The following MID1 variants were observed in gnomAD, a reference collection of about 807,000 sequenced individuals.
MID1 encodes the protein midline 1.
A neutral mutation model predicts 40.4 loss-of-function variants in MID1; 7 were observed. The ratio of observed to expected loss-of-function variants is 0.17; its 90% CI spans 0.10 to 0.33. The LOEUF (loss-of-function observed/expected upper bound fraction) is 0.33. MID1 is among the 10% of genes least tolerant of loss of function. MID1 has a pLI of 1.00. For synonymous variants in MID1, 229 were observed against 221.2 expected, an observed-to-expected ratio of 1.04 and a Z score of -0.31; for missense variants, 367 against 558.5, an observed-to-expected ratio of 0.66 and a Z score of 3.46.
chrX:10,686,323 T>TA (rs1321435820), intron 1 of MID1, among the ~76,000 whole-genome samples: 4 of 110,936 alleles, frequency 3.6e-5, no homozygotes. Context: ...CTTCATCTCT[T>TA]ATATGCCCAA....
chrX:10,697,704 T>C (rs184533229), intron 1 of MID1, among the ~76,000 whole-genome samples: 31 of 111,973 alleles, frequency 2.8e-4, no homozygotes, highest in African/African-American at 9.1e-4. Context: ...GGTTTGTTTT[T>C]GGAGCCGTGG....
At chrX:10,518,144 T>G (rs777880326) in intron 3 of MID1, among the ~76,000 whole-genome samples, 1 of 112,037 alleles carries the variant, frequency 8.9e-6, no homozygotes, top group African/African-American at 3.2e-5. Context: ...ACCAACAGTC[T>G]CTAGAACAGA....
At chrX:10,784,782 T>G (rs898363499) in intron 1 of MID1, among the ~76,000 whole-genome samples, 1 of 110,815 alleles carries the variant, frequency 9.0e-6, no homozygotes, top group Admixed American at 9.7e-5. Flanking sequence ...GATTGTCTGA[T>G]AGTGCCATTG....
intron 1 of MID1, among the ~76,000 whole-genome samples, chrX:10,762,877 A>T (rs1335646004): frequency 8.9e-6 from 1 of 112,123 alleles, no homozygotes; most frequent in African/African-American, 3.2e-5. Context: ...TCCTAATTTA[A>T]ACCCATGATC....
chrX:10,671,834 A>C (rs2042988764), intron 1 of MID1, among the ~76,000 whole-genome samples: 1 of 111,630 alleles, frequency 9.0e-6, no homozygotes, highest in Non-Finnish European at 1.9e-5. Context: ...TCTAACATGG[A>C]AACCTGATCA....
chrX:10,672,215 A>T (rs1474734649), intron 1 of MID1, among the ~76,000 whole-genome samples: 1 of 106,788 alleles, frequency 9.4e-6, no homozygotes, highest in Admixed American at 9.9e-5. Flanking sequence ...ACAGAGCGAG[A>T]TCCTGTCTCA....
chrX:10,476,749 A>T (rs1395596567), intron 5 of MID1, among the ~76,000 whole-genome samples: 1 of 111,675 alleles, frequency 9.0e-6, no homozygotes, highest in South Asian at 3.8e-4. Flanking sequence ...TGACCCTTTC[A>T]CCAAGAAGTA....
chrX:10,720,928 C>G (rs12013913), intron 1 of MID1, among the ~76,000 whole-genome samples: 2,420 of 109,032 alleles, frequency 0.022, 73 homozygotes, highest in African/African-American at 0.078. Flanking sequence ...AACCATCATT[C>G]TCAGCAAACT....
chrX:10,790,308 T>C (rs993190270), intron 1 of MID1, among the ~76,000 whole-genome samples: 2 of 108,983 alleles, frequency 1.8e-5, no homozygotes, highest in Admixed American at 9.9e-5. Context: ...GCCCAGGTAA[T>C]TTTTTTTATT....
At chrX:10,712,429 C>T (rs1374661307) in intron 1 of MID1, among the ~76,000 whole-genome samples, 1 of 111,270 alleles carries the variant, frequency 9.0e-6, no homozygotes, top group East Asian at 2.8e-4. Flanking sequence ...AAGAACACCT[C>T]AAGTGAGCAT....
Position 10,740,036 on chromosome X carries a change from A to G in MID1, c.-187+93518T>C, listed in dbSNP as rs145412522. On this transcript the variant is annotated intron_variant, in intron 1 of 10. Transcript: ENST00000380785. ...CCAAGAAGATATATTGATCTAGAAA[A>G]TGTTTATACAACTGCTTATATATGT... Among the ~76,000 whole-genome samples the G allele has an allele frequency of 7.8e-3, 879 of 112,871 alleles. 8 individuals are homozygous for G. Among genetic ancestry groups the G allele is most frequent in the African/African-American group, 0.027 (837 of 31,108 alleles).
intron 1 of MID1, among the ~76,000 whole-genome samples, chrX:10,785,071 C>G (rs757254386): frequency 9.0e-6 from 1 of 111,145 alleles, no homozygotes. Context: ...AAAACCCCAT[C>G]GTCTCAGCCC....
intron 1 of MID1, among the ~76,000 whole-genome samples, chrX:10,650,199 T>C (rs1295204808): frequency 1.8e-5 from 2 of 111,492 alleles, no homozygotes; most frequent in Non-Finnish European, 3.8e-5. Context: ...ATTTTAACCT[T>C]GGAGCACAAG....
intron 1 of MID1, among the ~76,000 whole-genome samples, chrX:10,815,173 T>C (rs930170951): frequency 1.8e-5 from 2 of 112,169 alleles, no homozygotes; most frequent in Non-Finnish European, 1.9e-5. Context: ...AAACACACCC[T>C]ATAACAAATG....
intron 1 of MID1, among the ~76,000 whole-genome samples, chrX:10,826,188 TGA>T (rs2044215318): frequency 9.0e-6 from 1 of 111,274 alleles, no homozygotes; most frequent in Non-Finnish European, 1.9e-5. Flanking sequence ...ATCAAATTCC[TGA>T]GAGTCTGTTT....
At chrX:10,776,938 G>A (rs2043806787) in intron 1 of MID1, among the ~76,000 whole-genome samples, 1 of 111,997 alleles carries the variant, frequency 8.9e-6, no homozygotes, top group Non-Finnish European at 1.9e-5. Context: ...GCTACTATCT[G>A]CCATGTACTG....
intron 1 of MID1, among the ~76,000 whole-genome samples, chrX:10,797,194 G>C (rs1349782093): frequency 2.7e-5 from 3 of 111,412 alleles, no homozygotes; most frequent in African/African-American, 9.8e-5. Context: ...ACCATATTCT[G>C]TCTTTTATTT....
chrX:10,729,056 C>A (rs184929258), intron 1 of MID1, among the ~76,000 whole-genome samples: 1 of 111,816 alleles, frequency 8.9e-6, no homozygotes, highest in African/African-American at 3.2e-5. Context: ...ACTTCTCAAT[C>A]CCCACAAAAG....
At chrX:10,795,252 G>T (rs2043960174) in intron 1 of MID1, among the ~76,000 whole-genome samples, 1 of 112,441 alleles carries the variant, frequency 8.9e-6, no homozygotes, top group Non-Finnish European at 1.9e-5. Flanking sequence ...GATATGAAAA[G>T]CTAAGAAAAA....
Sources: allele counts gnomAD v4.1 joint callset (sites outside exome capture counted in the v4.1 genomes callset), GRCh38; gene constraint gnomAD v4.1.1; transcripts MANE v1.5; gene names NCBI Gene and HGNC (gene_info 2026-07-23, HGNC 2026-07-21).